NECTIN2: variants seen among roughly 807,000 people sequenced by gnomAD.
The protein encoded by NECTIN2 is nectin-2.
Under a neutral mutation model 56.9 loss-of-function variants are expected in NECTIN2, and 23 were observed. The observed-to-expected ratio is 0.40, with a 90% CI of 0.29 to 0.57. The LOEUF is 0.57. Among genes scored for constraint, NECTIN2 ranks in the 20% least tolerant of loss-of-function variants. The pLI is 0.38. For missense variants in NECTIN2, 587 were observed against 718.3 expected (o/e 0.82, Z 2.09); for synonymous variants, 302 against 313.8 (o/e 0.96, Z 0.40).
intron 5 of NECTIN2, among the ~76,000 whole-genome samples, chr19:44,879,924 GACC>G (rs1193700694): frequency 3.9e-5 from 6 of 152,292 alleles, no homozygotes; most frequent in Middle Eastern, 3.4e-3. Context: ...CGGCCATAAT[GACC>G]ACAAGAATAG....
intron 2 of NECTIN2, among the ~76,000 whole-genome samples, chr19:44,867,932 G>A (rs1029932180): frequency 3.3e-5 from 5 of 152,132 alleles, no homozygotes; most frequent in Non-Finnish European, 7.4e-5. Context: ...GAGCTGGGAC[G>A]AGAGGGGAGA....
At chr19:44,858,203 A>AT (rs1246446098) in intron 1 of NECTIN2, among the ~76,000 whole-genome samples, 6 of 151,424 alleles carry the variant, frequency 4.0e-5, no homozygotes, top group Non-Finnish European at 8.8e-5. Context: ...GAAAAGCCTC[A>AT]TTTTTCCCCC....
intron 1 of NECTIN2, among the ~76,000 whole-genome samples, chr19:44,852,035 C>T (rs1461292135): frequency 6.6e-6 from 1 of 152,174 alleles, no homozygotes; most frequent in Non-Finnish European, 1.5e-5. Context: ...TCTCGCCATC[C>T]TCCGTCCCCA....
rs1259115042 is a variant in NECTIN2 at position 44,865,372 on chromosome 19, T to C, written c.190T>C (p.Tyr64His). The change falls in exon 2 of 9, where the codon TAC becomes CAC. Residue 64 changes from tyrosine (Y) to histidine (H), a missense_variant. By Grantham distance (83) the Tyr-to-His change is moderately conservative. Coordinates refer to ENST00000252483, the MANE Select transcript of NECTIN2 (RefSeq NM_001042724.2). The surrounding 1 kb of genome is among the most constrained non-coding windows in gnomAD (Gnocchi z 5.2). ...CHLLPPVPGL[Y>H]ISLVTWQRPD... ...CCTGCTGCCACCTGTTCCTGGACTG[T>C]ACATCTCCCTGGTGACCTGGCAGCG... 6.2e-7 allele frequency: 1 copy of C among 1,614,176 alleles called. No homozygotes were observed.
intron 6 of NECTIN2, among the ~76,000 whole-genome samples, chr19:44,884,206 G>A (rs1290098548): frequency 6.6e-6 from 1 of 152,142 alleles, no homozygotes; most frequent in Non-Finnish European, 1.5e-5. Context: ...CTGTCCCTCA[G>A]GCTAGAGTTC....
chr19:44,878,851 A>C (rs937741195), intron 5 of NECTIN2: 1 of 1,293,282 alleles, frequency 7.7e-7, no homozygotes, highest in South Asian at 2.7e-5. Flanking sequence ...TCCAGAGAGG[A>C]CCCCCGCCCC....
chr19:44,859,417 C>A (rs555555405), intron 1 of NECTIN2, among the ~76,000 whole-genome samples: 46 of 152,270 alleles, frequency 3.0e-4, no homozygotes, highest in South Asian at 2.1e-3. Context: ...GTGGCCTGCA[C>A]AAGGTCGCAG....
intron 1 of NECTIN2, among the ~76,000 whole-genome samples, chr19:44,858,325 C>CTT (rs144011930): frequency 2.7e-5 from 4 of 148,640 alleles, no homozygotes; most frequent in Non-Finnish European, 3.0e-5. Flanking sequence ...TCGCTGATGG[C>CTT]TTTTTTTTTT....
In NECTIN2 at chr19:44,848,985, G is replaced by T. The variant is rs548792020; in HGVS notation, c.88+2372G>T. ...CGCCAGGCAGCCCCACGTAGTGGAG[G>T]GGGAGGGGAGCAGAGGGACGGCAGC... On this transcript the variant is annotated intron_variant, in intron 1 of 8. Coordinates refer to ENST00000252483, the MANE Select transcript of NECTIN2 (RefSeq NM_001042724.2). 2.3e-4 allele frequency among the ~76,000 whole-genome samples: 35 copies of T among 152,300 alleles called. 1 individual carries two copies. The highest frequency in any genetic ancestry group is 1.2e-3 in the South Asian group (6 of 4,830).
At chr19:44,866,769 T>A (rs1023885843) in intron 2 of NECTIN2, among the ~76,000 whole-genome samples, 1 of 151,948 alleles carries the variant, frequency 6.6e-6, no homozygotes, top group East Asian at 1.9e-4. Context: ...CTGTAGTAGG[T>A]TCTTAGCAGC....
intron 2 of NECTIN2, among the ~76,000 whole-genome samples, chr19:44,871,303 G>GA (rs1969171808): frequency 6.6e-6 from 1 of 152,174 alleles, no homozygotes; most frequent in Non-Finnish European, 1.5e-5. Flanking sequence ...GAGGTGGGAA[G>GA]ATGGCTTGTG....
At position 44,878,651 on chromosome 19, in the gene NECTIN2, C is replaced by T. The variant is rs778510737; in HGVS notation, c.1043-3560C>T. On this transcript the variant is annotated intron_variant, in intron 5 of 8. Coordinates refer to ENST00000252483, the MANE Select transcript of NECTIN2 (RefSeq NM_001042724.2). Reference sequence around the variant, plus strand: ...ACACAGACAGAGACAGAGCCAGGCCCGGCCCTCCCGCCCCCGACCTGACCA... The same window carrying T: ...ACACAGACAGAGACAGAGCCAGGCCTGGCCCTCCCGCCCCCGACCTGACCA... 1.8e-5 allele frequency: 28 copies of T among 1,557,988 alleles called. No homozygotes were observed. In the East Asian group the frequency reaches 3.2e-4, roughly 18 times the overall value.
Position 44,888,283 on chromosome 19 carries a change from C to T in NECTIN2, c.1521C>T (p.Asp507=). The change falls in exon 9 of 9, where the codon GAC becomes GAT. Residue 507 remains aspartate, a synonymous_variant. Coordinates refer to ENST00000252483, the MANE Select transcript of NECTIN2 (RefSeq NM_001042724.2). ...EEGEEEEEYL[D]KINPIYDALS... is the part of the protein sequence containing the mutation. ...GGGAGGAGGAGGAAGAGTATCTGGACAAGATCAACCCCATCTATGATGCTC... is the reference window on the plus strand; with the variant it reads ...GGGAGGAGGAGGAAGAGTATCTGGATAAGATCAACCCCATCTATGATGCTC... 6.2e-7 allele frequency: 1 copy of T among 1,614,062 alleles called. No homozygotes were observed. Among genetic ancestry groups the T allele is most frequent in the Non-Finnish European group, 8.5e-7 (1 of 1,179,970 alleles).
intron 5 of NECTIN2, among the ~76,000 whole-genome samples, chr19:44,881,397 T>G (rs904491365): frequency 6.6e-6 from 1 of 151,572 alleles, no homozygotes; most frequent in African/African-American, 2.4e-5. Flanking sequence ...TTAAAAACAA[T>G]ACAAGGCAGG....
rs958853522 is a variant in NECTIN2 at position 44,889,061 on chromosome 19, A to G, written c.*682A>G. 1 of 152,288 alleles carries G rather than the reference A, an allele frequency of 6.6e-6. No individual in the cohort carries two copies. The highest frequency in any genetic ancestry group is 6.5e-5 in the Admixed American group (1 of 15,280). The allele number at this position is 152,288 out of a possible 1,614,324, so 9.4% of individuals were successfully genotyped here. A position where few individuals can be genotyped will look rare whatever the true frequency, so the allele number is the denominator to read the frequency against. On this transcript the variant is annotated 3_prime_UTR_variant, in exon 9 of 9. Transcript: ENST00000252483. ...TGATGGCCCCAGCCTTGGGAGAAGAATTTACTGTTAACCTGGAAGACTACT... is the reference window on the plus strand; with the variant it reads ...TGATGGCCCCAGCCTTGGGAGAAGAGTTTACTGTTAACCTGGAAGACTACT...
intron 3 of NECTIN2, among the ~76,000 whole-genome samples, chr19:44,872,814 T>C (rs1314657012): frequency 7.0e-6 from 1 of 143,480 alleles, no homozygotes; most frequent in Non-Finnish European, 1.5e-5. Flanking sequence ...TTTATTATTA[T>C]ATTTTTATAT....
intron 1 of NECTIN2, among the ~76,000 whole-genome samples, chr19:44,847,056 G>A (rs1361716006): frequency 6.6e-6 from 1 of 152,124 alleles, no homozygotes; most frequent in Non-Finnish European, 1.5e-5. Flanking sequence ...CGAGGAAGAG[G>A]CGAGACCACC....
Position 44,846,558 on chromosome 19 carries a change from A to G in NECTIN2, c.33A>G (p.Arg11=). 6.6e-7 allele frequency: 1 copy of G among 1,523,300 alleles called. No individual in the cohort carries two copies. Among genetic ancestry groups the G allele is most frequent in the Non-Finnish European group, 8.8e-7 (1 of 1,142,090 alleles). 94.4% of individuals were successfully genotyped at this position (1,523,300 alleles called of 1,614,324 possible). MARAAALLPS[R]SPPTPLLWPL... is the part of the protein sequence containing the mutation. ...GGGCCGCTGCCCTCCTGCCGTCGAGATCGCCGCCGACGCCGCTGCTGTGGC... is the reference window on the plus strand; with the variant it reads ...GGGCCGCTGCCCTCCTGCCGTCGAGGTCGCCGCCGACGCCGCTGCTGTGGC... The change falls in exon 1 of 9, where the codon AGA becomes AGG. Residue 11 remains arginine, a synonymous_variant. Transcript: ENST00000252483.
rs762229036 is a variant in NECTIN2 at position 44,872,017 on chromosome 19, G to A, written c.643G>A (p.Gly215Arg). The A allele has an allele frequency of 1.5e-5, 25 of 1,614,160 alleles. No homozygotes were observed. The highest frequency in any genetic ancestry group is 1.7e-5 in the Non-Finnish European group (20 of 1,180,028). The change falls in exon 3 of 9, where the codon GGA becomes AGA. Residue 215 changes from glycine to arginine, a missense_variant. Gly to Arg is a moderately radical substitution (Grantham distance 125, BLOSUM62 -2). Transcript: ENST00000252483. The part of the protein sequence containing the change: ...KETQVSGTLA[G>R]TVTVTSRFTL... ...GACTCAGGTGTCAGGGACCCTGGCC[G>A]GAACTGTCACTGTCACCAGCCGCTT...
Sources: allele counts gnomAD v4.1 joint callset (sites outside exome capture counted in the v4.1 genomes callset), GRCh38; gene constraint gnomAD v4.1.1; non-coding constraint Gnocchi (gnomAD v3.1); transcripts MANE v1.5; gene names NCBI Gene and HGNC (gene_info 2026-07-23, HGNC 2026-07-21).